The following TERF1 variants were observed in gnomAD, a reference collection of about 807,000 sequenced individuals.
TERF1 encodes the protein telomeric repeat-binding factor 1.
TERF1 carries 20 observed loss-of-function variants against 55.1 expected under a neutral mutation model. That is an observed-to-expected ratio of 0.36 (90% CI 0.26 to 0.53). The LOEUF is 0.53. Ranked by LOEUF, TERF1 falls within the 20% of genes least tolerant of loss-of-function variation. TERF1 has a pLI of 0.91. For synonymous variants in TERF1, 168 were observed against 181.2 expected, an observed-to-expected ratio of 0.93 and a Z score of 0.59; for missense variants, 439 against 535.7, an observed-to-expected ratio of 0.82 and a Z score of 1.78.
intron 8 of TERF1, among the ~76,000 whole-genome samples, chr8:73,037,735 TGA>T (rs200960560): frequency 0.023 from 1,984 of 87,702 alleles, 136 homozygotes; most frequent in African/African-American, 0.093. Flanking sequence ...TTATATAGTA[TGA>T]AATATATATT....
intron 3 of TERF1, among the ~76,000 whole-genome samples, chr8:73,021,272 A>C (rs1312399578): frequency 6.6e-6 from 1 of 152,144 alleles, no homozygotes; most frequent in African/African-American, 2.4e-5. Context: ...GAATTTTAAA[A>C]ATTTCTTTTC....
chr8:73,027,125 TTTTA>T, intron 6 of TERF1, 73 bp downstream of exon 6: 4 of 1,069,416 alleles, frequency 3.7e-6, no homozygotes, highest in Non-Finnish European at 5.4e-6. Context: ...TGATATGTCT[TTTTA>T]TTAAAAATAA....
chr8:73,029,312 A>T (rs2044086361), intron 6 of TERF1, among the ~76,000 whole-genome samples: 1 of 152,208 alleles, frequency 6.6e-6, no homozygotes, highest in East Asian at 1.9e-4. Flanking sequence ...AAATCCATGG[A>T]TGCTCAAGTG....
At chr8:73,037,197 A>G (rs1261110882) in intron 8 of TERF1, among the ~76,000 whole-genome samples, 1 of 135,526 alleles carries the variant, frequency 7.4e-6, no homozygotes, top group Non-Finnish European at 1.5e-5. Flanking sequence ...AATATATATT[A>G]TATAATATAA....
chr8:73,023,594 A>G (rs1041222617), intron 4 of TERF1, among the ~76,000 whole-genome samples: 1 of 152,134 alleles, frequency 6.6e-6, no homozygotes, highest in Non-Finnish European at 1.5e-5. Context: ...TATTTTCTCC[A>G]TAGCACTATG....
At chr8:73,027,807 G>A (rs1165345249) in intron 6 of TERF1, among the ~76,000 whole-genome samples, 1 of 152,088 alleles carries the variant, frequency 6.6e-6, no homozygotes, top group Non-Finnish European at 1.5e-5. Flanking sequence ...TGACCTAAGT[G>A]TTGCAGGGAC....
At chr8:73,042,074 G>C (rs1448480609) in intron 9 of TERF1, among the ~76,000 whole-genome samples, 1 of 152,138 alleles carries the variant, frequency 6.6e-6, no homozygotes, top group African/African-American at 2.4e-5. Context: ...GAGTTACTGA[G>C]TTTCAGTTTG....
In TERF1 at chr8:73,039,197, A is replaced by G; in HGVS notation, c.1121A>G (p.Lys374Arg). ...AAGAGTCAGCCGGTAACTCCTGAAA[A>G]ACATCGAGCTAGAAAAAGACAGGTA... ...VSKSQPVTPE[K>R]HRARKRQAWL... Residue 374 changes from lysine (K) to arginine (R), a missense_variant, in exon 9 of 10, where the codon AAA becomes AGA. Coordinates refer to ENST00000276603, the MANE Select transcript of TERF1 (RefSeq NM_017489.3). 2 of 1,604,790 alleles carry G rather than the reference A, an allele frequency of 1.2e-6. No homozygotes were observed. The highest frequency in any genetic ancestry group is 1.7e-6 in the Non-Finnish European group (2 of 1,175,934).
At chr8:73,009,449 G>A in intron 1 of TERF1, 1 of 545,476 alleles carries the variant, frequency 1.8e-6, no homozygotes, top group South Asian at 2.3e-5. Flanking sequence ...TAGGTTTGAT[G>A]CAAGCATTAA....
chr8:73,021,453 G>A (rs1189174252), intron 3 of TERF1, among the ~76,000 whole-genome samples: 1 of 152,070 alleles, frequency 6.6e-6, no homozygotes, highest in East Asian at 1.9e-4. Flanking sequence ...AATCTTTTAG[G>A]CTGCTAGAGA....
chr8:73,011,859 G>A (rs1400095305), intron 1 of TERF1: 1 of 151,820 alleles, frequency 6.6e-6, no homozygotes, highest in Non-Finnish European at 1.5e-5. Flanking sequence ...TTCTCCATAT[G>A]AGCAATAGGC....
intron 2 of TERF1, among the ~76,000 whole-genome samples, chr8:73,017,161 G>A (rs1808546718): frequency 6.6e-6 from 1 of 152,134 alleles, no homozygotes; most frequent in Admixed American, 6.5e-5. Context: ...TTTATAAGAA[G>A]GAAGGCAGAT....
Position 73,008,950 on chromosome 8 carries a change from G to T in TERF1, c.64G>T (p.Asp22Tyr). 6.2e-7 allele frequency: 1 copy of T among 1,612,946 alleles called. No homozygotes were observed. Among genetic ancestry groups the T allele is most frequent in the Non-Finnish European group, 8.5e-7 (1 of 1,179,694 alleles). ...GGGCTGTGCGGATGGTAGGGATGCCGACCCTACTGAGGAGCAGATGGCAGA... is the reference window on the plus strand; with the variant it reads ...GGGCTGTGCGGATGGTAGGGATGCCTACCCTACTGAGGAGCAGATGGCAGA... ...PRGCADGRDA[D>Y]PTEEQMAETE... The change falls in exon 1 of 10, where the codon GAC (aspartate) becomes TAC (tyrosine). Residue 22 changes from aspartate (D) to tyrosine (Y), a missense_variant. Transcript: ENST00000276603.
Position 73,039,358 on chromosome 8 carries a change from T to C in TERF1, c.1143+139T>C. On this transcript the variant is annotated intron_variant, in intron 9 of 9. Transcript: ENST00000276603. ...CTTTGCCATCTTTTATTTTGCCGTCTTAGATAGGTGACTAATCAGCCTATT... is the reference window on the plus strand; with the variant it reads ...CTTTGCCATCTTTTATTTTGCCGTCCTAGATAGGTGACTAATCAGCCTATT... 1.4e-5 allele frequency: 8 copies of C among 585,522 alleles called. No homozygotes were observed. The South Asian group carries it at 2.2e-4, about 16-fold the overall frequency. 36.3% of individuals were successfully genotyped at this position (585,522 alleles called of 1,614,324 possible). A position where few individuals can be genotyped will look rare whatever the true frequency, so the allele number is the denominator to read the frequency against.
intron 7 of TERF1, chr8:73,031,668 C>T (rs1389979147): frequency 1.3e-5 from 2 of 154,868 alleles, no homozygotes; most frequent in Admixed American, 1.3e-4. Flanking sequence ...TTTTGGAATC[C>T]GTCTTTGGGG....
intron 5 of TERF1, among the ~76,000 whole-genome samples, chr8:73,026,551 C>T (rs79935025): frequency 0.011 from 1,717 of 152,148 alleles, 11 homozygotes; most frequent in Non-Finnish European, 0.019. Context: ...TCTGTCTTGG[C>T]CTCCAAATTT....
At chr8:73,014,034 T>A in intron 2 of TERF1, 44 bp downstream of exon 2, 1 of 1,478,884 alleles carries the variant, frequency 6.8e-7, no homozygotes, top group Admixed American at 1.7e-5. Context: ...TTTCAATCTG[T>A]TTCTAATGTA....
chr8:73,008,924 G>T lies in TERF1; in HGVS notation c.38G>T (p.Arg13Leu). 3 of 1,612,026 alleles carry T rather than the reference G, an allele frequency of 1.9e-6. No individual in the cohort carries two copies. Among genetic ancestry groups the T allele is most frequent in the South Asian group, 1.1e-5 (1 of 90,598 alleles). The stretch of plus-strand genomic sequence containing the variant: ...GTTTCCTCAGCGGCCCCGAGCCCGC[G>T]GGGCTGTGCGGATGGTAGGGATGCC... Reference protein sequence around the residue: ...EDVSSAAPSPRGCADGRDADP... With the variant: ...EDVSSAAPSPLGCADGRDADP... Residue 13 changes from arginine (R) to leucine (L), a missense_variant, in exon 1 of 10, where the codon CGG becomes CTG. Physicochemically the swap from Arg to Leu is moderately radical, Grantham distance 102. Around this residue, in one of 4 missense-constraint regions of TERF1, gnomAD observed 179 missense variants for 152.6 expected, o/e 1.17. Transcript: ENST00000276603.
intron 8 of TERF1, 39 bp downstream of exon 8, chr8:73,032,172 A>G (rs1480716129): frequency 7.0e-7 from 1 of 1,433,400 alleles, no homozygotes; most frequent in Non-Finnish European, 9.7e-7. Context: ...GGGAGAATTG[A>G]TGTGTCCTCA....
Sources: allele counts gnomAD v4.1 joint callset (sites outside exome capture counted in the v4.1 genomes callset), GRCh38; gene constraint gnomAD v4.1.1; regional missense constraint gnomAD v4.1.1; transcripts MANE v1.5; gene names NCBI Gene and HGNC (gene_info 2026-07-23, HGNC 2026-07-21).